The following XNDC1N variants were observed in gnomAD, a reference collection of about 807,000 sequenced individuals.
XNDC1N encodes the protein protein XNDC1N.
the XNDC1N span, among the ~76,000 whole-genome samples, chr11:71,909,743 C>T: frequency 9.2e-5 from 14 of 152,174 alleles, no homozygotes; most frequent in Admixed American, 2.6e-4. Flanking sequence ...CAGACTTGTA[C>T]TGTAGGAGGA....
At chr11:71,911,100 C>T in the XNDC1N span, among the ~76,000 whole-genome samples, 1 of 152,336 alleles carries the variant, frequency 6.6e-6, no homozygotes, top group African/African-American at 2.4e-5. Flanking sequence ...TAAAGGATGG[C>T]CCCCCTGTTG....
chr11:71,874,741 T>C, the XNDC1N span, among the ~76,000 whole-genome samples: 1 of 152,146 alleles, frequency 6.6e-6, no homozygotes, highest in Non-Finnish European at 1.5e-5. Flanking sequence ...TCAACTCAAG[T>C]GCAGAAAGAG....
At chr11:71,911,645 T>A in the XNDC1N span, among the ~76,000 whole-genome samples, 14 of 152,200 alleles carry the variant, frequency 9.2e-5, no homozygotes, top group Non-Finnish European at 1.6e-4. Context: ...CGGTATGTCT[T>A]TTTAACCCTT....
the XNDC1N span, among the ~76,000 whole-genome samples, chr11:71,904,239 C>T: frequency 1.4e-4 from 22 of 152,252 alleles, no homozygotes; most frequent in East Asian, 4.0e-3. Context: ...CGAGTAATAC[C>T]TTCCTAGGAT....
At chr11:71,925,554 C>T in the XNDC1N span, among the ~76,000 whole-genome samples, 2 of 152,132 alleles carry the variant, frequency 1.3e-5, no homozygotes, top group African/African-American at 2.4e-5. Context: ...GCTCACTATT[C>T]CCACTACGGG....
the XNDC1N span, among the ~76,000 whole-genome samples, chr11:71,892,671 A>G: frequency 2.0e-5 from 3 of 151,190 alleles, no homozygotes; most frequent in Non-Finnish European, 4.4e-5. Flanking sequence ...ACCAGCCACC[A>G]TGCCCGGCTA....
At chr11:71,925,865 G>A in the XNDC1N span, 1 of 152,076 alleles carries the variant, frequency 6.6e-6, no homozygotes, top group East Asian at 1.9e-4. Flanking sequence ...GGGCAACAGA[G>A]CAAGACTCCG....
chr11:71,888,030 G>A, the XNDC1N span, among the ~76,000 whole-genome samples: 16 of 149,424 alleles, frequency 1.1e-4, no homozygotes, highest in Admixed American at 1.3e-4. Flanking sequence ...GCGTGGGCTC[G>A]AGACCTCCAG....
At chr11:71,905,184 A>C in the XNDC1N span, among the ~76,000 whole-genome samples, 1 of 151,968 alleles carries the variant, frequency 6.6e-6, no homozygotes, top group South Asian at 2.1e-4. Flanking sequence ...TGATATTTGA[A>C]GTCATATGTC....
the XNDC1N span, among the ~76,000 whole-genome samples, chr11:71,890,662 A>T: frequency 6.6e-6 from 1 of 152,062 alleles, no homozygotes; most frequent in Non-Finnish European, 1.5e-5. Context: ...GATATCAGAA[A>T]CAATATCACA....
the XNDC1N span, among the ~76,000 whole-genome samples, chr11:71,890,903 G>A: frequency 1.3e-5 from 2 of 151,962 alleles, no homozygotes; most frequent in African/African-American, 2.4e-5. Flanking sequence ...TGTCACTGGG[G>A]ATGTGAACAT....
At chr11:71,912,329 G>T in the XNDC1N span, among the ~76,000 whole-genome samples, 1 of 152,084 alleles carries the variant, frequency 6.6e-6, no homozygotes, top group South Asian at 2.1e-4. Context: ...GGAGATCTGG[G>T]TCTTCCTCCC....
the XNDC1N span, among the ~76,000 whole-genome samples, chr11:71,908,464 T>C: frequency 6.6e-6 from 1 of 152,126 alleles, no homozygotes; most frequent in Non-Finnish European, 1.5e-5. Flanking sequence ...AGATTATTAA[T>C]TGCAGTAAGT....
chr11:71,898,714 A>T, the XNDC1N span, among the ~76,000 whole-genome samples: 1 of 152,184 alleles, frequency 6.6e-6, no homozygotes, highest in Non-Finnish European at 1.5e-5. Flanking sequence ...GGGGTGGGCG[A>T]GAAAGAGGAG....
At chr11:71,879,986 G>A in the XNDC1N span, among the ~76,000 whole-genome samples, 2 of 152,006 alleles carry the variant, frequency 1.3e-5, no homozygotes, top group Admixed American at 6.6e-5. Flanking sequence ...TCACTAAATG[G>A]AACACTCTAA....
At chr11:71,898,028 C>CA in the XNDC1N span, among the ~76,000 whole-genome samples, 1 of 151,936 alleles carries the variant, frequency 6.6e-6, no homozygotes, top group Non-Finnish European at 1.5e-5. Flanking sequence ...ACTGAAAATG[C>CA]AAAAAATGAA....
the XNDC1N span, among the ~76,000 whole-genome samples, chr11:71,874,574 CA>C: frequency 3.0e-3 from 454 of 152,170 alleles, 3 homozygotes; most frequent in African/African-American, 0.01. Context: ...ATTAGACATC[CA>C]AAAGTAGATG....
At chr11:71,865,954 T>C in the XNDC1N span, 6 of 355,286 alleles carry the variant, frequency 1.7e-5, no homozygotes, top group Non-Finnish European at 2.7e-5. Flanking sequence ...AAAACCACTA[T>C]AGTAAAGAAA....
At chr11:71,873,138 GCCT>G in the XNDC1N span, among the ~76,000 whole-genome samples, 2 of 147,196 alleles carry the variant, frequency 1.4e-5, no homozygotes, top group Non-Finnish European at 2.9e-5. Flanking sequence ...TTTGTTTATT[GCCT>G]CCTATTTTGT....
Sources: allele counts gnomAD v4.1 joint callset (sites outside exome capture counted in the v4.1 genomes callset), GRCh38; gene constraint gnomAD v4.1.1; transcripts MANE v1.5; gene names NCBI Gene and HGNC (gene_info 2026-07-23, HGNC 2026-07-21).